The following DENND2B variants were observed in gnomAD, a reference collection of about 807,000 sequenced individuals.
DENND2B encodes the protein DENN domain containing 2B.
In DENND2B, 32 loss-of-function variants were observed where a neutral mutation model predicts 116.0. The observed-to-expected ratio is 0.28, with a 90% CI of 0.21 to 0.37. DENND2B has a LOEUF of 0.37. DENND2B is among the 10% of genes least tolerant of loss of function. The probability of loss-of-function intolerance (pLI) is 1.00; values close to 1 mark genes in which losing one functional copy is unlikely to be tolerated. For missense variants in DENND2B, 1,276 were observed against 1,477.7 expected, an observed-to-expected ratio of 0.86 and a Z score of 2.24; for synonymous variants, 588 against 583.9, an observed-to-expected ratio of 1.01 and a Z score of -0.10.
chr11:8,802,709 A>G (rs2060464971), intron 1 of DENND2B, among the ~76,000 whole-genome samples: 1 of 152,232 alleles, frequency 6.6e-6, no homozygotes, highest in African/African-American at 2.4e-5. Flanking sequence ...CGCCACTGAG[A>G]AAAGGAAACA....
intron 1 of DENND2B, among the ~76,000 whole-genome samples, chr11:8,888,961 C>T (rs1285407503): frequency 6.6e-6 from 1 of 152,032 alleles, no homozygotes; most frequent in Non-Finnish European, 1.5e-5. Context: ...GAAACTGGAA[C>T]ACTTGTACAC....
chr11:8,884,934 G>A (rs1405515361), intron 1 of DENND2B, among the ~76,000 whole-genome samples: 1 of 152,230 alleles, frequency 6.6e-6, no homozygotes, highest in Non-Finnish European at 1.5e-5. Context: ...AAGATGGGAA[G>A]AGATCTATGT....
chr11:8,836,384 C>G (rs1426047451), intron 4 of DENND2B, among the ~76,000 whole-genome samples: 1 of 150,698 alleles, frequency 6.6e-6, no homozygotes, highest in African/African-American at 2.4e-5. Context: ...CATCACTAAC[C>G]CTGCAAAGAC....
chr11:8,835,442 C>T (rs2062382373), intron 4 of DENND2B, among the ~76,000 whole-genome samples: 1 of 152,166 alleles, frequency 6.6e-6, no homozygotes, highest in East Asian at 1.9e-4. Flanking sequence ...CTTGGTTTCA[C>T]ACTTTACCAG....
chr11:8,765,723 G>C (rs569434499), intron 1 of DENND2B, among the ~76,000 whole-genome samples: 2 of 151,974 alleles, frequency 1.3e-5, no homozygotes, highest in Non-Finnish European at 2.9e-5. Context: ...CAGTTGTTAG[G>C]ATATAAATAC....
intron 4 of DENND2B, among the ~76,000 whole-genome samples, chr11:8,817,723 A>G (rs954092590): frequency 6.6e-6 from 1 of 152,086 alleles, no homozygotes; most frequent in African/African-American, 2.4e-5. Context: ...ATAAAGCTCA[A>G]TGTCCAGATA....
intron 4 of DENND2B, among the ~76,000 whole-genome samples, chr11:8,834,100 T>C (rs2062324176): frequency 6.6e-6 from 1 of 152,190 alleles, no homozygotes; most frequent in Non-Finnish European, 1.5e-5. Context: ...CTGTACTTCT[T>C]TGGAACGGGA....
intron 4 of DENND2B, among the ~76,000 whole-genome samples, chr11:8,839,023 A>T (rs1228561713): frequency 6.6e-6 from 1 of 152,264 alleles, no homozygotes; most frequent in African/African-American, 2.4e-5. Context: ...GCTTAGAAAA[A>T]AAGCCCAAAG....
At chr11:8,895,362 G>A (rs922929927) in intron 1 of DENND2B, among the ~76,000 whole-genome samples, 28 of 152,132 alleles carry the variant, frequency 1.8e-4, no homozygotes, top group South Asian at 1.7e-3. Flanking sequence ...AAACCTGCAC[G>A]TTGTGCACAT....
intron 4 of DENND2B, among the ~76,000 whole-genome samples, chr11:8,828,058 C>T (rs529325259): frequency 1.3e-5 from 2 of 152,268 alleles, no homozygotes; most frequent in East Asian, 3.9e-4. Flanking sequence ...GGCTATGGAA[C>T]TTGGGATGGA....
intron 14 of DENND2B, among the ~76,000 whole-genome samples, chr11:8,701,923 C>T (rs943033923): frequency 3.3e-5 from 5 of 152,130 alleles, no homozygotes; most frequent in African/African-American, 1.2e-4. Context: ...AACCAGCTCC[C>T]CGACTTCCCT....
chr11:8,895,782 TG>T, intron 1 of DENND2B, among the ~76,000 whole-genome samples: 1 of 152,298 alleles, frequency 6.6e-6, no homozygotes, highest in Middle Eastern at 3.4e-3. Context: ...TTTTATTTTT[TG>T]TTAAAGAAAG....
chr11:8,735,496 C>T (rs1345307140), intron 2 of DENND2B, among the ~76,000 whole-genome samples: 1 of 152,252 alleles, frequency 6.6e-6, no homozygotes, highest in Non-Finnish European at 1.5e-5. Context: ...TCCACGGCAG[C>T]AGTAAAAAGA....
chr11:8,715,695 TCAGCTGAGC>T lies in DENND2B; in HGVS notation c.1744_1752del (p.Ala582_Leu584del). 6.2e-7 allele frequency: 1 copy of T among 1,614,198 alleles called. No individual in the cohort carries two copies. Among genetic ancestry groups the T allele is most frequent in the South Asian group, 1.1e-5 (1 of 91,078 alleles). On this transcript the variant is annotated inframe_deletion, in exon 6 of 20. Transcript: ENST00000313726. Reference sequence around the variant, plus strand: ...AGGCTGGAGGGTGAGGACGGCAGACTCAGCTGAGCCAGCAGCAGCATGTCGTCATGGCTG... The same window carrying T: ...AGGCTGGAGGGTGAGGACGGCAGACTCAGCAGCAGCATGTCGTCATGGCTG...
rs1320444004 is a variant in DENND2B, at chr11:8,695,647, A to G, written c.3293-98T>C. The G allele has an allele frequency of 7.8e-6, 8 of 1,030,074 alleles. No individual in the cohort carries two copies. In the African/African-American group the frequency reaches 1.3e-4, roughly 17 times the overall value. 63.8% of individuals were successfully genotyped at this position (1,030,074 alleles called of 1,614,324 possible). ...AACCATGGAGCACAGATGCCAAAAA[A>G]GGAGAAAGAAAACATCTGGGATGAT... On this transcript the variant is annotated intron_variant, in intron 18 of 19. Transcript: ENST00000313726.
intron 4 of DENND2B, among the ~76,000 whole-genome samples, chr11:8,833,004 G>A (rs974334104): frequency 1.3e-5 from 2 of 152,256 alleles, no homozygotes; most frequent in Admixed American, 1.3e-4. Flanking sequence ...CTTAGCATAG[G>A]CTTTGGCGTC....
intron 8 of DENND2B, 41 bp downstream of exon 8, chr11:8,713,957 C>G (rs2044255417): frequency 3.1e-6 from 5 of 1,611,336 alleles, no homozygotes; most frequent in Non-Finnish European, 4.2e-6. Context: ...CCCTGCAGCC[C>G]TGCTGGGAGA....
At chr11:8,708,586 G>A (rs2043023414) in intron 11 of DENND2B, among the ~76,000 whole-genome samples, 1 of 152,154 alleles carries the variant, frequency 6.6e-6, no homozygotes, top group African/African-American at 2.4e-5. Flanking sequence ...TTTCTGACAG[G>A]AAGGAAAGAA....
intron 1 of DENND2B, among the ~76,000 whole-genome samples, chr11:8,900,611 AG>A (rs2134758409): frequency 1.3e-5 from 2 of 151,578 alleles, no homozygotes; most frequent in East Asian, 2.0e-4. Context: ...AAAAAAAAAA[AG>A]AAAGAAGTAG....
Sources: allele counts gnomAD v4.1 joint callset (sites outside exome capture counted in the v4.1 genomes callset), GRCh38; gene constraint gnomAD v4.1.1; transcripts MANE v1.5; gene names NCBI Gene and HGNC (gene_info 2026-07-23, HGNC 2026-07-21).